Variants in LRRC4C observed in about 807,000 individuals in gnomAD.
LRRC4C encodes leucine-rich repeat-containing protein 4C.
In LRRC4C, 5 loss-of-function variants were observed where a neutral mutation model predicts 33.6. The ratio of observed to expected loss-of-function variants is 0.15; its 90% confidence interval spans 0.08 to 0.31. LRRC4C has a LOEUF of 0.31. LRRC4C is among the 10% of genes least tolerant of loss of function. The probability of loss-of-function intolerance (pLI) is 1.00; values close to 1 mark genes in which losing one functional copy is unlikely to be tolerated. For synonymous variants in LRRC4C, 329 were observed against 302.0 expected (o/e 1.09, Z -0.93); for missense variants, 560 against 796.7 (o/e 0.70, Z 3.58).
chr11:40,549,139 A>T (rs1957039865), intron 3 of LRRC4C, among the ~76,000 whole-genome samples: 1 of 152,192 alleles, frequency 6.6e-6, no homozygotes, highest in Non-Finnish European at 1.5e-5. Context: ...CATTGAGTGA[A>T]CATCTATTTA....
At position 41,051,520 on chromosome 11, in the gene LRRC4C, C is replaced by CAAAAAAAAAAAAAAAAAA. The variant is rs530003573; in HGVS notation, c.-495-117815_-495-117798dup. Among the ~76,000 whole-genome samples, 42 of 60,288 alleles carry CAAAAAAAAAAAAAAAAAA rather than the reference C, an allele frequency of 7.0e-4. 5 individuals carry two copies. The highest frequency in any genetic ancestry group is 7.0e-4 in the African/African-American group (10 of 14,286). 39.6% of individuals were successfully genotyped at this position (60,288 alleles called of 152,430 possible). Reference sequence around the variant, plus strand: ...CTCAGTCCCTCCCAGGGTCTCAAGGCAAAAAAAAAAAAAAAAAAAAAAAAA... The same window carrying CAAAAAAAAAAAAAAAAAA: ...CTCAGTCCCTCCCAGGGTCTCAAGGCAAAAAAAAAAAAAAAAAAAAAAAAAAAAAAAAAAAAAAAAAAA... On this transcript the variant is annotated intron_variant, in intron 1 of 6. Transcript: ENST00000528697.
intron 1 of LRRC4C, among the ~76,000 whole-genome samples, chr11:40,983,970 T>C (rs966670449): frequency 2.0e-5 from 3 of 152,126 alleles, no homozygotes; most frequent in African/African-American, 7.2e-5. Flanking sequence ...TCATGGAAAT[T>C]CAACTTTAAA....
chr11:40,522,121 C>T (rs1363803517), intron 3 of LRRC4C, among the ~76,000 whole-genome samples: 2 of 152,170 alleles, frequency 1.3e-5, no homozygotes, highest in Non-Finnish European at 2.9e-5. Flanking sequence ...CTCCTGGGTT[C>T]AAGCCATTCT....
chr11:40,582,905 G>C (rs148017236), intron 3 of LRRC4C, among the ~76,000 whole-genome samples: 213 of 152,208 alleles, frequency 1.4e-3, no homozygotes, highest in African/African-American at 4.8e-3. Flanking sequence ...CAATGGCAAT[G>C]ATTCAATCAG....
chr11:40,134,338 A>G (rs887820618), intron 6 of LRRC4C, among the ~76,000 whole-genome samples: 2 of 152,240 alleles, frequency 1.3e-5, no homozygotes, highest in African/African-American at 4.8e-5. Flanking sequence ...AGTAGTAAGT[A>G]GAATAAATGA....
chr11:41,414,195 A>G (rs760945528), intron 1 of LRRC4C, among the ~76,000 whole-genome samples: 10 of 152,172 alleles, frequency 6.6e-5, no homozygotes, highest in Admixed American at 5.2e-4. Flanking sequence ...ACAGCTCTTG[A>G]TAAGTGTGTT....
chr11:41,071,506 T>G (rs3903143), intron 1 of LRRC4C, among the ~76,000 whole-genome samples: 36,068 of 152,092 alleles, frequency 0.24, 4,545 homozygotes, highest in East Asian at 0.34. Flanking sequence ...GCTCTATAAA[T>G]GAAACAGCAA....
rs114222975 is a variant in LRRC4C at position 41,158,865 on chromosome 11, T to A, written c.-495-225142A>T. On this transcript the variant is annotated intron_variant, in intron 1 of 6. Coordinates refer to ENST00000528697, the MANE Select transcript of LRRC4C (RefSeq NM_001258419.2). ...GAATTATAGCACAAACAAAAGATTT[T>A]AAAAGAGCTAAAATTAAGTTTTCAG... Among the ~76,000 whole-genome samples, 882 of 152,274 alleles carry A rather than the reference T, an allele frequency of 5.8e-3. 13 individuals are homozygous for A. Among genetic ancestry groups the A allele is most frequent in the African/African-American group, 0.02 (836 of 41,574 alleles).
chr11:40,407,620 A>T (rs1475465812), intron 3 of LRRC4C, among the ~76,000 whole-genome samples: 1 of 152,100 alleles, frequency 6.6e-6, no homozygotes, highest in Non-Finnish European at 1.5e-5. Flanking sequence ...CAATGGCAGA[A>T]ATTAATTTAA....
intron 1 of LRRC4C, among the ~76,000 whole-genome samples, chr11:41,103,291 T>C (rs1342465893): frequency 2.0e-5 from 3 of 151,978 alleles, no homozygotes; most frequent in Admixed American, 2.0e-4. Flanking sequence ...TGGAAATTGT[T>C]GTTCAGAGTA....
intron 2 of LRRC4C, among the ~76,000 whole-genome samples, chr11:40,797,633 G>T (rs1950886518): frequency 1.3e-5 from 2 of 152,012 alleles, no homozygotes; most frequent in African/African-American, 4.8e-5. Flanking sequence ...TGAGTAAAGG[G>T]GGAATAAAAG....
chr11:40,641,262 T>C (rs1023551986), intron 3 of LRRC4C, among the ~76,000 whole-genome samples: 3 of 152,150 alleles, frequency 2.0e-5, no homozygotes, highest in Admixed American at 6.5e-5. Flanking sequence ...ATAGGGAACC[T>C]ATCAAAGTGA....
At chr11:41,322,250 A>G in intron 1 of LRRC4C, among the ~76,000 whole-genome samples, 1 of 152,036 alleles carries the variant, frequency 6.6e-6, no homozygotes, top group East Asian at 1.9e-4. Flanking sequence ...AGATATCACA[A>G]GATATCTAGT....
rs202113348 is a variant in LRRC4C at position 41,075,029 on chromosome 11, T to A, written c.-495-141306A>T. ...CTTCAATTTTCTTTTTTTTTTTTTTTTTTTTTTATTTTTAATGTTTTTTTT... is the reference window on the plus strand; with the variant it reads ...CTTCAATTTTCTTTTTTTTTTTTTTATTTTTTTATTTTTAATGTTTTTTTT... On this transcript the variant is annotated intron_variant, in intron 1 of 6. Coordinates refer to ENST00000528697, the MANE Select transcript of LRRC4C (RefSeq NM_001258419.2). Among the ~76,000 whole-genome samples, 6 of 40,874 alleles carry A rather than the reference T, an allele frequency of 1.5e-4. 1 individual carries two copies. Among genetic ancestry groups the A allele is most frequent in the Admixed American group, 1.1e-3 (3 of 2,612 alleles). 26.8% of individuals were successfully genotyped at this position (40,874 alleles called of 152,430 possible). A position where few individuals can be genotyped will look rare whatever the true frequency, so the allele number is the denominator to read the frequency against.
At chr11:40,583,024 G>C (rs7102778) in intron 3 of LRRC4C, among the ~76,000 whole-genome samples, 40,215 of 151,908 alleles carry the variant, frequency 0.26, 5,476 homozygotes, top group Middle Eastern at 0.36. Flanking sequence ...ATTAACTATG[G>C]TAATACTACC....
chr11:41,314,920 G>T (rs11827407), intron 1 of LRRC4C, among the ~76,000 whole-genome samples: 2,512 of 152,184 alleles, frequency 0.017, 68 homozygotes, highest in African/African-American at 0.056. Context: ...ACTATCTAGT[G>T]CATATGTCCT....
intron 1 of LRRC4C, among the ~76,000 whole-genome samples, chr11:41,374,993 G>A (rs1952884832): frequency 6.6e-6 from 1 of 151,954 alleles, no homozygotes; most frequent in Non-Finnish European, 1.5e-5. Context: ...CGGGCGTGAT[G>A]GCATGCATCT....
At chr11:40,771,498 T>C (rs932911614) in intron 2 of LRRC4C, among the ~76,000 whole-genome samples, 1 of 152,224 alleles carries the variant, frequency 6.6e-6, no homozygotes, top group Non-Finnish European at 1.5e-5. Flanking sequence ...GTTTCAGTGA[T>C]TAACATTCGG....
chr11:40,397,450 A>G (rs1014508277), intron 3 of LRRC4C, among the ~76,000 whole-genome samples: 3 of 152,128 alleles, frequency 2.0e-5, no homozygotes, highest in Admixed American at 6.6e-5. Flanking sequence ...AGAGACTGAA[A>G]TTTACAGCTC....
Sources: gnomAD v4.1 joint callset for allele counts (sites outside exome capture counted in the v4.1 genomes callset) on GRCh38, gnomAD v4.1.1 for gene constraint, MANE v1.5 for transcripts, NCBI Gene and HGNC (gene_info 2026-07-23, HGNC 2026-07-21) for gene names.